Variants in PRR5L observed in about 807,000 individuals in gnomAD.
PRR5L encodes the protein proline-rich protein 5-like.
A neutral mutation model predicts 36.4 loss-of-function variants in PRR5L; 21 were observed. That is an observed-to-expected ratio of 0.58 (90% CI 0.41 to 0.83). PRR5L has a LOEUF of 0.83. Among genes scored for constraint, PRR5L ranks in the 40% least tolerant of loss-of-function variants. PRR5L has a pLI of 0.00. For missense variants in PRR5L, 381 were observed against 473.3 expected (o/e 0.80, Z 1.81); for synonymous variants, 188 against 197.0 (o/e 0.95, Z 0.38).
intron 1 of PRR5L, among the ~76,000 whole-genome samples, chr11:36,367,610 G>A (rs1857156769): frequency 6.6e-6 from 1 of 152,166 alleles, no homozygotes; most frequent in Non-Finnish European, 1.5e-5. Context: ...AGGGATGACT[G>A]TTCTGGTCAA....
Position 36,388,951 on chromosome 11 carries a change from G to C in PRR5L, c.-125-12046G>C, listed in dbSNP as rs150852216. The stretch of plus-strand genomic sequence containing the variant: ...CCTGACCTCGTGATCTGCCTGCCTC[G>C]GCCTCCCAAAGTGCTGGGATTACAG... On this transcript the variant is annotated intron_variant, in intron 1 of 8. Transcript: ENST00000530639. Among the ~76,000 whole-genome samples the C allele has an allele frequency of 9.9e-5, 15 of 151,500 alleles. No individual in the cohort carries two copies. In the East Asian group the frequency reaches 2.9e-3, roughly 30 times the overall value.
intron 1 of PRR5L, among the ~76,000 whole-genome samples, chr11:36,350,310 G>T (rs559466842): frequency 1.3e-5 from 2 of 150,482 alleles, no homozygotes; most frequent in African/African-American, 4.9e-5. Flanking sequence ...TGTGGGTGTG[G>T]GTGTGTGTGA....
intron 1 of PRR5L, chr11:36,376,538 C>G: frequency 9.9e-7 from 1 of 1,013,350 alleles, no homozygotes. Flanking sequence ...GGAGGGAGAG[C>G]TGGGCAGAGC....
At chr11:36,421,317 G>T (rs1858260815) in intron 4 of PRR5L, among the ~76,000 whole-genome samples, 1 of 152,168 alleles carries the variant, frequency 6.6e-6, no homozygotes, top group Non-Finnish European at 1.5e-5. Context: ...GGGAAGCCTT[G>T]AGGTTTTTGG....
intron 1 of PRR5L, among the ~76,000 whole-genome samples, chr11:36,321,932 TGGG>T (rs1856617399): frequency 6.6e-6 from 1 of 152,166 alleles, no homozygotes; most frequent in African/African-American, 2.4e-5. Context: ...ACCGGTCATA[TGGG>T]GTTAAAGCCC....
chr11:36,436,408 C>G (rs1325168585), intron 5 of PRR5L, among the ~76,000 whole-genome samples: 1 of 152,190 alleles, frequency 6.6e-6, no homozygotes, highest in Non-Finnish European at 1.5e-5. Flanking sequence ...CTCACACAGC[C>G]TTCTGATGGC....
At chr11:36,424,630 C>A (rs1858342109) in intron 4 of PRR5L, among the ~76,000 whole-genome samples, 2 of 152,134 alleles carry the variant, frequency 1.3e-5, no homozygotes, top group African/African-American at 4.8e-5. Context: ...TCTTGAAGAG[C>A]TATAAGGAGA....
intron 4 of PRR5L, among the ~76,000 whole-genome samples, chr11:36,422,424 G>A (rs1654516175): frequency 6.6e-6 from 1 of 152,196 alleles, no homozygotes; most frequent in South Asian, 2.1e-4. Context: ...GGACCTGGCT[G>A]TTGGGAAAGG....
In PRR5L at chr11:36,393,089, C is replaced by T. The variant is rs185447734; in HGVS notation, c.-125-7908C>T. ...TATGTTCTGGTTGTTAATCCCTTGTCAGAAGGATAGTTTGCAAATATTTTC... is the reference window on the plus strand; with the variant it reads ...TATGTTCTGGTTGTTAATCCCTTGTTAGAAGGATAGTTTGCAAATATTTTC... On this transcript the variant is annotated intron_variant, in intron 1 of 8. Coordinates refer to ENST00000530639, the MANE Select transcript of PRR5L (RefSeq NM_001160167.2). Among the ~76,000 whole-genome samples, 5 of 152,260 alleles carry T rather than the reference C, an allele frequency of 3.3e-5. 1 individual carries two copies. In the East Asian group the frequency reaches 7.7e-4, roughly 24 times the overall value.
intron 1 of PRR5L, among the ~76,000 whole-genome samples, chr11:36,400,142 G>T (rs1857760253): frequency 6.6e-6 from 1 of 152,240 alleles, no homozygotes; most frequent in Admixed American, 6.5e-5. Context: ...AGGGAAAAAG[G>T]AAGAGAATTC....
chr11:36,374,600 C>A (rs968493010), intron 1 of PRR5L, among the ~76,000 whole-genome samples: 1 of 152,142 alleles, frequency 6.6e-6, no homozygotes, highest in African/African-American at 2.4e-5. Flanking sequence ...AAACTGATCT[C>A]CCTGCAGCCG....
At chr11:36,310,302 C>T (rs1469412978) in intron 1 of PRR5L, among the ~76,000 whole-genome samples, 1 of 152,130 alleles carries the variant, frequency 6.6e-6, no homozygotes, top group South Asian at 2.1e-4. Context: ...AGAACTACTG[C>T]CTTAAGTATA....
At chr11:36,313,321 A>G (rs1160988707) in intron 1 of PRR5L, among the ~76,000 whole-genome samples, 1 of 152,188 alleles carries the variant, frequency 6.6e-6, no homozygotes, top group African/African-American at 2.4e-5. Flanking sequence ...CAGCTGTGCT[A>G]TTGGGGATTT....
intron 4 of PRR5L, among the ~76,000 whole-genome samples, chr11:36,424,535 T>C (rs1342712317): frequency 6.6e-6 from 1 of 152,238 alleles, no homozygotes. Flanking sequence ...AGTGATTCAG[T>C]GGGCATGAGA....
At position 36,464,129 on chromosome 11, in the gene PRR5L, TTTATCCACCTTGAATCCC is replaced by T. The variant is rs1483309774; in HGVS notation, c.*1395_*1412del. ...ACTGCTCCCTCCAGGTCTGGGGGCT[TTTATCCACCTTGAATCCC>T]TATCCTCCTCTTTGTAGTTGTCGGT... On this transcript the variant is annotated 3_prime_UTR_variant, in exon 9 of 9. Coordinates refer to ENST00000530639, the MANE Select transcript of PRR5L (RefSeq NM_001160167.2). The T allele has an allele frequency of 6.6e-6, 1 of 152,144 alleles. No homozygotes were observed. Among genetic ancestry groups the T allele is most frequent in the Non-Finnish European group, 1.5e-5 (1 of 68,038 alleles). 9.4% of individuals were successfully genotyped at this position (152,144 alleles called of 1,614,324 possible). A position where few individuals can be genotyped will look rare whatever the true frequency, so the allele number is the denominator to read the frequency against.
chr11:36,432,122 C>T (rs1001256499), intron 5 of PRR5L, among the ~76,000 whole-genome samples: 3 of 151,702 alleles, frequency 2.0e-5, no homozygotes, highest in South Asian at 2.1e-4. Context: ...TGTAGTGGGA[C>T]GGGGTGGTTT....
chr11:36,332,142 A>G (rs977186772), intron 1 of PRR5L, among the ~76,000 whole-genome samples: 1 of 152,190 alleles, frequency 6.6e-6, no homozygotes, highest in Non-Finnish European at 1.5e-5. Context: ...TGAAGTTAAA[A>G]GGAGGTACAC....
At chr11:36,454,725 G>C (rs1413875684) in intron 8 of PRR5L, 3 of 152,320 alleles carry the variant, frequency 2.0e-5, no homozygotes, top group African/African-American at 7.2e-5. Context: ...TTATTCCCGG[G>C]GCTCCGCACT....
intron 1 of PRR5L, among the ~76,000 whole-genome samples, chr11:36,306,204 T>C (rs938695028): frequency 6.6e-6 from 1 of 152,282 alleles, no homozygotes; most frequent in African/African-American, 2.4e-5. Flanking sequence ...ACCCATCAAC[T>C]CATCATTTAC....
Sources: allele counts gnomAD v4.1 joint callset (sites outside exome capture counted in the v4.1 genomes callset), GRCh38; gene constraint gnomAD v4.1.1; transcripts MANE v1.5; gene names NCBI Gene and HGNC (gene_info 2026-07-23, HGNC 2026-07-21).